RNF13: variants seen among roughly 807,000 people sequenced by gnomAD.
RNF13 encodes ring finger protein 13.
A neutral mutation model predicts 37.7 loss-of-function variants in RNF13; 19 were observed. That is an observed-to-expected ratio of 0.50 (90% confidence interval 0.35 to 0.74). RNF13 has a LOEUF of 0.74. RNF13 is among the 30% of genes least tolerant of loss of function. RNF13 has a pLI of 0.01. For missense variants in RNF13, 375 were observed against 453.0 expected, an observed-to-expected ratio of 0.83 and a Z score of 1.56; for synonymous variants, 144 against 157.8, an observed-to-expected ratio of 0.91 and a Z score of 0.65.
chr3:149,902,216 G>A, intron 6 of RNF13, 54 bp downstream of exon 6: 1 of 804,362 alleles, frequency 1.2e-6, no homozygotes, highest in Non-Finnish European at 2.0e-6. Context: ...TTATATTAAG[G>A]TAGAATTATA....
At chr3:149,960,270 C>A in intron 9 of RNF13, 134 bp downstream of exon 9, 1 of 631,888 alleles carries the variant, frequency 1.6e-6, no homozygotes, top group Non-Finnish European at 2.8e-6. Flanking sequence ...TGGTCTCATT[C>A]AAGGATGGAG....
At chr3:149,873,171 A>G (rs1712273621) in intron 4 of RNF13, among the ~76,000 whole-genome samples, 1 of 152,192 alleles carries the variant, frequency 6.6e-6, no homozygotes, top group South Asian at 2.1e-4. Context: ...TGTTTCATTA[A>G]TTTCTTGCTG....
chr3:149,957,408 A>T (rs563888491), intron 8 of RNF13, among the ~76,000 whole-genome samples: 1 of 148,422 alleles, frequency 6.7e-6, no homozygotes. Context: ...CTTTTTTTTT[A>T]AAGTATTTCT....
intron 3 of RNF13, among the ~76,000 whole-genome samples, chr3:149,857,990 C>T (rs1723825650): frequency 6.6e-6 from 1 of 152,154 alleles, no homozygotes; most frequent in Non-Finnish European, 1.5e-5. Flanking sequence ...ATGCCATTCT[C>T]TCTCTGGCTA....
chr3:149,850,051 C>T (rs1214334701), intron 2 of RNF13, among the ~76,000 whole-genome samples: 1 of 151,406 alleles, frequency 6.6e-6, no homozygotes, highest in East Asian at 1.9e-4. Flanking sequence ...GCAATCTTGG[C>T]TCCCTGCAAC....
At chr3:149,836,172 G>A (rs1721605357) in intron 1 of RNF13, among the ~76,000 whole-genome samples, 1 of 151,844 alleles carries the variant, frequency 6.6e-6, no homozygotes, top group South Asian at 2.1e-4. Flanking sequence ...TTTGTTTGTT[G>A]GCTATTTGTG....
intron 8 of RNF13, among the ~76,000 whole-genome samples, chr3:149,956,724 G>C (rs910006379): frequency 3.3e-5 from 5 of 152,164 alleles, no homozygotes; most frequent in Non-Finnish European, 5.9e-5. Flanking sequence ...TAACAGACAT[G>C]AATCTGATTT....
chr3:149,855,569 C>T (rs569095799), intron 3 of RNF13, among the ~76,000 whole-genome samples: 122 of 148,786 alleles, frequency 8.2e-4, no homozygotes, highest in Non-Finnish European at 1.2e-3. Context: ...TACATATATA[C>T]GTATATATGT....
In RNF13 at chr3:149,960,762, C is replaced by T. The variant is rs1425264247; in HGVS notation, c.804C>T (p.Asp268=). 6.2e-7 allele frequency: 1 copy of T among 1,613,108 alleles called. No individual in the cohort carries two copies. Among genetic ancestry groups the T allele is most frequent in the Non-Finnish European group, 8.5e-7 (1 of 1,179,664 alleles). ...CAGCTTATCACTGCAAGTGTGTAGACCCTTGGCTAACTAAAACCAAAAAAA... is the reference window on the plus strand; with the variant it reads ...CAGCTTATCACTGCAAGTGTGTAGATCCTTGGCTAACTAAAACCAAAAAAA... The part of the protein sequence containing the change: ...CSHAYHCKCV[D]PWLTKTKKTC... The change falls in exon 10 of 10, where the codon GAC becomes GAT. Residue 268 remains aspartate (D), a synonymous_variant. Coordinates refer to ENST00000392894, the MANE Select transcript of RNF13 (RefSeq NM_183381.3).
intron 8 of RNF13, among the ~76,000 whole-genome samples, chr3:149,953,673 G>A (rs1283884573): frequency 6.6e-6 from 1 of 152,154 alleles, no homozygotes; most frequent in Non-Finnish European, 1.5e-5. Context: ...AGCTAAGACT[G>A]TGCAAAGGCT....
intron 4 of RNF13, among the ~76,000 whole-genome samples, chr3:149,872,712 A>G (rs1030716352): frequency 6.6e-6 from 1 of 152,328 alleles, no homozygotes; most frequent in East Asian, 1.9e-4. Flanking sequence ...CTGTTACTGG[A>G]CTACCTCAGA....
At chr3:149,907,456 A>G (rs901571788) in intron 6 of RNF13, among the ~76,000 whole-genome samples, 3 of 152,188 alleles carry the variant, frequency 2.0e-5, no homozygotes, top group African/African-American at 2.4e-5. Flanking sequence ...AACTACTTTT[A>G]AAAAGGATGG....
Position 149,960,868 on chromosome 3 carries a change from G to C in RNF13, c.910G>C (p.Glu304Gln). Residue 304 changes from glutamate to glutamine, a missense_variant, in exon 10 of 10, where the codon GAA becomes CAA. Coordinates refer to ENST00000392894, the MANE Select transcript of RNF13 (RefSeq NM_183381.3). The part of the protein sequence containing the change: ...SDTDSSQEEN[E>Q]VTEHTPLLRP... ...CACAGACAGTAGTCAAGAAGAAAAT[G>C]AAGTGACAGAACATACCCCTTTACT... is the stretch of plus-strand genomic sequence containing the variant. 1 of 1,614,164 alleles carries C rather than the reference G, an allele frequency of 6.2e-7. No homozygotes were observed. The highest frequency in any genetic ancestry group is 8.5e-7 in the Non-Finnish European group (1 of 1,180,022).
chr3:149,933,564 T>C (rs1414811945), intron 8 of RNF13, among the ~76,000 whole-genome samples: 3 of 151,270 alleles, frequency 2.0e-5, no homozygotes, highest in Non-Finnish European at 4.4e-5. Context: ...ATATTAGTTC[T>C]AACAGTTTCT....
At chr3:149,934,158 T>C (rs1484742562) in intron 8 of RNF13, among the ~76,000 whole-genome samples, 1 of 152,170 alleles carries the variant, frequency 6.6e-6, no homozygotes, top group African/African-American at 2.4e-5. Flanking sequence ...TTATCTAATT[T>C]GTTGGCATAT....
At chr3:149,905,142 G>A (rs1323452719) in intron 6 of RNF13, among the ~76,000 whole-genome samples, 2 of 152,170 alleles carry the variant, frequency 1.3e-5, no homozygotes, top group African/African-American at 4.8e-5. Context: ...CTAGTTCAGA[G>A]TTTTAATGTA....
intron 8 of RNF13, among the ~76,000 whole-genome samples, chr3:149,943,462 C>T (rs1048258514): frequency 6.6e-6 from 1 of 152,146 alleles, no homozygotes; most frequent in African/African-American, 2.4e-5. Flanking sequence ...TATGCCTCCC[C>T]TATTATCAAC....
intron 3 of RNF13, among the ~76,000 whole-genome samples, chr3:149,864,168 A>G (rs1301759477): frequency 6.6e-6 from 1 of 151,864 alleles, no homozygotes; most frequent in East Asian, 1.9e-4. Context: ...TGGGTCAGGG[A>G]AGTGGATCCC....
intron 4 of RNF13, among the ~76,000 whole-genome samples, chr3:149,885,954 C>G (rs1713979282): frequency 6.6e-6 from 1 of 151,960 alleles, no homozygotes; most frequent in Non-Finnish European, 1.5e-5. Flanking sequence ...GGATATGTAC[C>G]TCCAGTTTTC....
Sources: gnomAD v4.1 joint callset for allele counts (sites outside exome capture counted in the v4.1 genomes callset) on GRCh38, gnomAD v4.1.1 for gene constraint, MANE v1.5 for transcripts, NCBI Gene and HGNC (gene_info 2026-07-23, HGNC 2026-07-21) for gene names.